TEX36: variants seen among roughly 807,000 people sequenced by gnomAD.
TEX36 encodes the protein testis expressed 36.
Under a neutral mutation model 13.6 loss-of-function variants are expected in TEX36, and 12 were observed. The ratio of observed to expected loss-of-function variants is 0.88; its 90% CI spans 0.56 to 1.43. The LOEUF (loss-of-function observed/expected upper bound fraction) is 1.43. Among genes scored for constraint, TEX36 ranks in the 40% most tolerant of loss-of-function variants. The pLI is 0.00. For synonymous variants in TEX36, 93 were observed against 83.0 expected, an observed-to-expected ratio of 1.12 and a Z score of -0.65; for missense variants, 224 against 228.3, an observed-to-expected ratio of 0.98 and a Z score of 0.12.
At position 125,615,891 on chromosome 10, in the gene TEX36, C is replaced by T. The variant is rs144009509; in HGVS notation, c.265-39017G>A. Among the ~76,000 whole-genome samples, 880 of 152,270 alleles carry T rather than the reference C, an allele frequency of 5.8e-3. 3 individuals are homozygous for T. Among genetic ancestry groups the T allele is most frequent in the Non-Finnish European group, 0.01 (700 of 68,030 alleles). ...TCCCCCTGGTACCTCTGCTAGAATT[C>T]GGCTGTGAATCCATCTGGTCCTGCA... On this transcript the variant is annotated intron_variant, in intron 3 of 3. Coordinates refer to the TEX36 transcript ENST00000532135.
downstream of TEX36, among the ~76,000 whole-genome samples, chr10:125,653,771 G>A (rs1846901296): frequency 1.3e-5 from 2 of 152,142 alleles, no homozygotes; most frequent in Admixed American, 1.3e-4. Context: ...TTGAGGCCAG[G>A]AGTTCAAGAC....
intron 3 of TEX36, among the ~76,000 whole-genome samples, chr10:125,591,344 C>A (rs991341755): frequency 6.6e-6 from 1 of 152,136 alleles, no homozygotes; most frequent in African/African-American, 2.4e-5. Context: ...AGTTTAAATT[C>A]AATGTAGTCC....
chr10:125,657,514 G>C lies in TEX36; in HGVS notation c.265-1318C>G, dbSNP rs527918024. Among the ~76,000 whole-genome samples the C allele has an allele frequency of 3.3e-5, 5 of 152,256 alleles. 1 individual carries two copies. Among genetic ancestry groups the C allele is most frequent in the South Asian group, 2.1e-4 (1 of 4,822 alleles). Reference sequence around the variant, plus strand: ...AAATTGAAAAACAAGTAAAAGAAAGGCATGATGAAAATAGGGGAAAGAGCT... The same window carrying C: ...AAATTGAAAAACAAGTAAAAGAAAGCCATGATGAAAATAGGGGAAAGAGCT... On this transcript the variant is annotated intron_variant, in intron 3 of 3. Transcript: ENST00000368821.
intron 3 of TEX36, among the ~76,000 whole-genome samples, chr10:125,604,275 C>G (rs918209416): frequency 1.3e-5 from 2 of 152,152 alleles, no homozygotes; most frequent in African/African-American, 4.8e-5. Context: ...CTTGCATTAC[C>G]GCCTGAGCTC....
chr10:125,647,717 C>A (rs965803004), intron 3 of TEX36, among the ~76,000 whole-genome samples: 2 of 151,216 alleles, frequency 1.3e-5, no homozygotes, highest in Non-Finnish European at 3.0e-5. Flanking sequence ...TTGCCTCACC[C>A]AGGAAGCACA....
downstream of TEX36, among the ~76,000 whole-genome samples, chr10:125,654,611 G>A (rs895640531): frequency 6.6e-6 from 1 of 152,118 alleles, no homozygotes; most frequent in Admixed American, 6.6e-5. Context: ...ACAAGAAAAT[G>A]GTGGCATGGA....
chr10:125,599,037 G>T (rs1482531940), intron 3 of TEX36, among the ~76,000 whole-genome samples: 2 of 151,986 alleles, frequency 1.3e-5, no homozygotes, highest in South Asian at 2.1e-4. Context: ...CGTACCCCCT[G>T]CCTTCTGCTA....
chr10:125,593,282 C>A (rs1223056012), intron 3 of TEX36, among the ~76,000 whole-genome samples: 1 of 152,210 alleles, frequency 6.6e-6, no homozygotes, highest in African/African-American at 2.4e-5. Flanking sequence ...GGGCAAAAAC[C>A]AAATGTATAT....
chr10:125,662,761 C>T (rs528731451), intron 1 of TEX36, among the ~76,000 whole-genome samples: 2 of 152,118 alleles, frequency 1.3e-5, no homozygotes, highest in Non-Finnish European at 2.9e-5. Context: ...CAGAAGAAGG[C>T]GTGACCCTAG....
intron 3 of TEX36, among the ~76,000 whole-genome samples, chr10:125,612,822 T>G (rs2133552709): frequency 6.7e-6 from 1 of 149,732 alleles, no homozygotes; most frequent in South Asian, 2.1e-4. Context: ...AAAAAAAAAC[T>G]ATATAAAACC....
intron 1 of TEX36, among the ~76,000 whole-genome samples, chr10:125,679,998 C>T (rs2133616885): frequency 6.6e-6 from 1 of 152,328 alleles, no homozygotes; most frequent in South Asian, 2.1e-4. Flanking sequence ...TTACAAAAAT[C>T]AGATTATATC....
At chr10:125,630,395 G>T (rs1441525199) in intron 3 of TEX36, among the ~76,000 whole-genome samples, 1 of 152,240 alleles carries the variant, frequency 6.6e-6, no homozygotes. Flanking sequence ...TGGGAGCCTC[G>T]GTTTTTCTCA....
At chr10:125,677,408 A>T (rs997977574) in intron 1 of TEX36, among the ~76,000 whole-genome samples, 2 of 151,922 alleles carry the variant, frequency 1.3e-5, no homozygotes, top group Non-Finnish European at 2.9e-5. Context: ...ATTCTTTTTT[A>T]TTTATTTTTG....
chr10:125,619,450 A>G (rs946586136), downstream of TEX36, among the ~76,000 whole-genome samples: 3 of 151,968 alleles, frequency 2.0e-5, no homozygotes, highest in African/African-American at 7.3e-5. Context: ...AGAGGTCTCC[A>G]CCACCATGCC....
intron 3 of TEX36, among the ~76,000 whole-genome samples, chr10:125,599,086 T>C (rs1846114360): frequency 6.6e-6 from 1 of 152,350 alleles, no homozygotes; most frequent in African/African-American, 2.4e-5. Context: ...AAGGTACTTA[T>C]CTTGGATTTT....
At position 125,609,166 on chromosome 10, in the gene TEX36, AAAC is replaced by A. The variant is rs757906551; in HGVS notation, c.265-32295_265-32293del. 9.8e-3 allele frequency among the ~76,000 whole-genome samples: 778 copies of A among 79,626 alleles called. 43 individuals are homozygous for A. Among genetic ancestry groups the A allele is most frequent in the African/African-American group, 0.041 (738 of 17,870 alleles). 52.2% of individuals were successfully genotyped at this position (79,626 alleles called of 152,430 possible). ...GGAGACTCCATCTCAGGAAAAAACAAAACAAAAAAAAAAAAACTTTTAAACTAA... is the reference window on the plus strand; with the variant it reads ...GGAGACTCCATCTCAGGAAAAAACAAAAAAAAAAAAAAACTTTTAAACTAA... On this transcript the variant is annotated intron_variant, in intron 3 of 3. Transcript: ENST00000532135.
intron 3 of TEX36, among the ~76,000 whole-genome samples, chr10:125,598,617 T>C (rs1846108980): frequency 6.6e-6 from 1 of 152,218 alleles, no homozygotes; most frequent in Non-Finnish European, 1.5e-5. Flanking sequence ...ATTCCTAGCA[T>C]TCTCAACATC....
chr10:125,661,462 A>G (rs1847041507), intron 2 of TEX36, among the ~76,000 whole-genome samples: 1 of 152,216 alleles, frequency 6.6e-6, no homozygotes, highest in African/African-American at 2.4e-5. Flanking sequence ...GGGTCCCAGG[A>G]GATGAGAGCC....
intron 1 of TEX36, chr10:125,666,819 T>C: frequency 3.5e-6 from 1 of 285,232 alleles, no homozygotes; most frequent in Non-Finnish European, 6.8e-6. Context: ...GGCCCGCTCT[T>C]CAAGAGAGTA....
Sources: allele counts gnomAD v4.1 joint callset (sites outside exome capture counted in the v4.1 genomes callset), GRCh38; gene constraint gnomAD v4.1.1; transcripts MANE v1.5; gene names NCBI Gene and HGNC (gene_info 2026-07-23, HGNC 2026-07-21).